KCNIP4: variants seen among roughly 807,000 people sequenced by gnomAD.
KCNIP4 encodes the protein potassium voltage-gated channel interacting protein 4.
Under a neutral mutation model 34.0 loss-of-function variants are expected in KCNIP4, and 12 were observed. That is an observed-to-expected ratio of 0.35 (90% confidence interval 0.23 to 0.57). The LOEUF is 0.57. KCNIP4 is among the 20% of genes least tolerant of loss of function. The pLI, the probability that KCNIP4 is intolerant of heterozygous loss-of-function variation, is 0.83. For synonymous variants in KCNIP4, 124 were observed against 102.2 expected, an observed-to-expected ratio of 1.21 and a Z score of -1.29; for missense variants, 238 against 311.7, an observed-to-expected ratio of 0.76 and a Z score of 1.78.
At chr4:21,731,061 C>T (rs1715557504) in intron 1 of KCNIP4, among the ~76,000 whole-genome samples, 1 of 150,428 alleles carries the variant, frequency 6.6e-6, no homozygotes, top group Non-Finnish European at 1.5e-5. Flanking sequence ...CTGCAGTAAG[C>T]CTTAATTGTG....
intron 1 of KCNIP4, among the ~76,000 whole-genome samples, chr4:21,745,158 G>T (rs772563563): frequency 1.5e-4 from 23 of 152,232 alleles, no homozygotes; most frequent in South Asian, 4.1e-4. Flanking sequence ...AAATAAAGTA[G>T]AAATCTTTGA....
intron 1 of KCNIP4, among the ~76,000 whole-genome samples, chr4:21,274,832 A>C (rs886105560): frequency 6.6e-6 from 1 of 152,170 alleles, no homozygotes; most frequent in Admixed American, 6.5e-5. Flanking sequence ...GAAGTTTAGT[A>C]AAGAGGAGGG....
intron 1 of KCNIP4, among the ~76,000 whole-genome samples, chr4:21,720,788 G>A (rs549425819): frequency 2.6e-4 from 39 of 149,692 alleles, no homozygotes; most frequent in Non-Finnish European, 3.1e-4. Context: ...TTGTCCTTGC[G>A]ATACTTTGCT....
At position 21,632,899 on chromosome 4, in the gene KCNIP4, T is replaced by A. The variant is rs376105994; in HGVS notation, c.61+315672A>T. Among the ~76,000 whole-genome samples, 262 of 152,300 alleles carry A rather than the reference T, an allele frequency of 1.7e-3. 10 individuals carry two copies. In the South Asian group the frequency reaches 0.047, roughly 28 times the overall value. Reference sequence around the variant, plus strand: ...TTAAAAACTATTCCATCCCTCTGGATGCCCCAAAAGAGTTTGCATAATTGT... The same window carrying A: ...TTAAAAACTATTCCATCCCTCTGGAAGCCCCAAAAGAGTTTGCATAATTGT... On this transcript the variant is annotated intron_variant, in intron 1 of 8. Coordinates refer to ENST00000382152, the MANE Select transcript of KCNIP4 (RefSeq NM_025221.6).
chr4:20,767,877 G>A (rs985228996), intron 3 of KCNIP4, among the ~76,000 whole-genome samples: 1 of 152,178 alleles, frequency 6.6e-6, no homozygotes, highest in Middle Eastern at 3.2e-3. Flanking sequence ...ATCCTTTCAT[G>A]ATACCTGTAA....
chr4:20,873,159 G>A (rs1723666608), intron 2 of KCNIP4, among the ~76,000 whole-genome samples: 1 of 152,086 alleles, frequency 6.6e-6, no homozygotes, highest in Non-Finnish European at 1.5e-5. Context: ...GTCATCTCTT[G>A]TAGGCAGGGC....
chr4:21,782,235 G>A (rs1360392554), intron 1 of KCNIP4, among the ~76,000 whole-genome samples: 1 of 152,084 alleles, frequency 6.6e-6, no homozygotes, highest in East Asian at 1.9e-4. Flanking sequence ...ATATATATAC[G>A]TGGAAAGTAA....
At chr4:21,395,091 A>G (rs916989117) in intron 1 of KCNIP4, among the ~76,000 whole-genome samples, 4 of 152,314 alleles carry the variant, frequency 2.6e-5, no homozygotes, top group African/African-American at 9.6e-5. Context: ...CAGAGTTGGT[A>G]TGAAGATTAT....
At chr4:21,101,889 C>G (rs1430182907) in intron 1 of KCNIP4, among the ~76,000 whole-genome samples, 1 of 152,150 alleles carries the variant, frequency 6.6e-6, no homozygotes, top group Admixed American at 6.6e-5. Flanking sequence ...ATGCTGATCT[C>G]TAAATGACTG....
intron 1 of KCNIP4, among the ~76,000 whole-genome samples, chr4:21,825,052 T>C (rs1448084219): frequency 6.6e-6 from 1 of 152,170 alleles, no homozygotes; most frequent in Non-Finnish European, 1.5e-5. Context: ...AAGACGATGT[T>C]TCTGATGTTA....
intron 1 of KCNIP4, among the ~76,000 whole-genome samples, chr4:21,224,480 C>A (rs565043808): frequency 6.6e-6 from 1 of 151,594 alleles, no homozygotes; most frequent in Non-Finnish European, 1.5e-5. Flanking sequence ...ACTACAGTTT[C>A]ACCCTATGAG....
intron 1 of KCNIP4, among the ~76,000 whole-genome samples, chr4:21,360,990 T>A (rs1719159026): frequency 6.6e-6 from 1 of 152,092 alleles, no homozygotes. Flanking sequence ...GTAAACTGGC[T>A]CAAATATGTG....
At chr4:21,770,542 C>G (rs1718709651) in intron 1 of KCNIP4, among the ~76,000 whole-genome samples, 1 of 152,174 alleles carries the variant, frequency 6.6e-6, no homozygotes, top group African/African-American at 2.4e-5. Context: ...CTGTCTTCCA[C>G]AATGGCTGAA....
chr4:21,481,853 T>C (rs1184980469), intron 1 of KCNIP4, among the ~76,000 whole-genome samples: 1 of 152,138 alleles, frequency 6.6e-6, no homozygotes, highest in Admixed American at 6.5e-5. Flanking sequence ...ATGTAGGAAA[T>C]TACATTTATA....
At chr4:21,851,597 G>T (rs555608205) in intron 1 of KCNIP4, 3 of 152,184 alleles carry the variant, frequency 2.0e-5, no homozygotes, top group Non-Finnish European at 4.4e-5. Context: ...TACAAACACG[G>T]GCTTGTGTGA....
chr4:21,703,438 T>C (rs1376879927), intron 1 of KCNIP4, among the ~76,000 whole-genome samples: 4 of 152,138 alleles, frequency 2.6e-5, no homozygotes, highest in African/African-American at 9.7e-5. Flanking sequence ...CTGGAAACCA[T>C]CATTCTCAGC....
intron 1 of KCNIP4, among the ~76,000 whole-genome samples, chr4:21,468,994 A>C (rs1411864859): frequency 6.6e-6 from 1 of 152,136 alleles, no homozygotes; most frequent in Non-Finnish European, 1.5e-5. Context: ...ATACAAACAG[A>C]AGAAAACACT....
At chr4:21,658,603 A>AGCC (rs1186708358) in intron 1 of KCNIP4, among the ~76,000 whole-genome samples, 1 of 152,102 alleles carries the variant, frequency 6.6e-6, no homozygotes, top group East Asian at 1.9e-4. Flanking sequence ...GGGTTTCACC[A>AGCC]TGTTGGCCAG....
intron 1 of KCNIP4, among the ~76,000 whole-genome samples, chr4:21,441,860 G>A (rs1286238415): frequency 6.6e-6 from 1 of 152,174 alleles, no homozygotes; most frequent in African/African-American, 2.4e-5. Flanking sequence ...GGGATCTTCT[G>A]TAAATTGTAA....
Sources: gnomAD v4.1 joint callset for allele counts (sites outside exome capture counted in the v4.1 genomes callset) on GRCh38, gnomAD v4.1.1 for gene constraint, MANE v1.5 for transcripts, NCBI Gene and HGNC (gene_info 2026-07-23, HGNC 2026-07-21) for gene names.